The following CNTNAP4 variants were observed in gnomAD, a reference collection of about 807,000 sequenced individuals.
The protein encoded by CNTNAP4 is contactin associated protein family member 4, also known as contactin-associated protein-like 4.
Under a neutral mutation model 148.4 loss-of-function variants are expected in CNTNAP4, and 98 were observed. The observed-to-expected ratio is 0.66, with a 90% CI of 0.56 to 0.78. The LOEUF (loss-of-function observed/expected upper bound fraction) is 0.78, where lower values mean the gene tolerates loss of function less well. Ranked by LOEUF, CNTNAP4 falls within the 30% of genes least tolerant of loss-of-function variation. The pLI is 0.00. For synonymous variants in CNTNAP4, 730 were observed against 565.1 expected, an observed-to-expected ratio of 1.29 and a Z score of -4.14; for missense variants, 1,935 against 1,565.6, an observed-to-expected ratio of 1.24 and a Z score of -3.98.
chr16:76,355,220 C>T, intron 2 of CNTNAP4, 98 bp from the exon 3 acceptor site: 3 of 783,502 alleles, frequency 3.8e-6, no homozygotes, highest in South Asian at 6.5e-5. Context: ...ATTTAAGTTC[C>T]ATAGAGGAAT....
At chr16:76,313,034 C>T (rs1200254771) in intron 1 of CNTNAP4, among the ~76,000 whole-genome samples, 8 of 152,102 alleles carry the variant, frequency 5.3e-5, no homozygotes, top group Admixed American at 4.6e-4. Flanking sequence ...AGGCCAACAA[C>T]CAAAACTTGA....
chr16:76,478,590 A>T (rs910877461), intron 11 of CNTNAP4, among the ~76,000 whole-genome samples: 1 of 152,226 alleles, frequency 6.6e-6, no homozygotes, highest in Non-Finnish European at 1.5e-5. Flanking sequence ...TTCACAGAAT[A>T]AAATGCTTAA....
chr16:76,386,311 G>T (rs1280267524), intron 3 of CNTNAP4, among the ~76,000 whole-genome samples: 1 of 151,706 alleles, frequency 6.6e-6, no homozygotes, highest in East Asian at 1.9e-4. Context: ...AACTAGCCTC[G>T]GGCAAAATAG....
intron 17 of CNTNAP4, among the ~76,000 whole-genome samples, chr16:76,526,497 C>T (rs2083738807): frequency 6.6e-6 from 1 of 152,052 alleles, no homozygotes; most frequent in Non-Finnish European, 1.5e-5. Context: ...AGTGGTCCCT[C>T]TGAGAGATGA....
chr16:76,299,187 A>T (rs549304817), intron 1 of CNTNAP4, among the ~76,000 whole-genome samples: 10 of 152,218 alleles, frequency 6.6e-5, no homozygotes, highest in Non-Finnish European at 1.2e-4. Flanking sequence ...ACAGCAAAAG[A>T]AACTACCATC....
At chr16:76,458,352 T>C (rs2080813620) in intron 8 of CNTNAP4, among the ~76,000 whole-genome samples, 1 of 152,142 alleles carries the variant, frequency 6.6e-6, no homozygotes, top group Non-Finnish European at 1.5e-5. Flanking sequence ...GACTGTAATG[T>C]TGGGGGATGG....
intron 3 of CNTNAP4, among the ~76,000 whole-genome samples, chr16:76,368,691 A>T (rs2014441465): frequency 6.6e-6 from 1 of 152,076 alleles, no homozygotes; most frequent in Non-Finnish European, 1.5e-5. Context: ...GGGCAAGGGG[A>T]GGGATAGCAT....
chr16:76,326,115 A>G (rs1313159420), intron 2 of CNTNAP4, among the ~76,000 whole-genome samples: 1 of 152,168 alleles, frequency 6.6e-6, no homozygotes, highest in African/African-American at 2.4e-5. Flanking sequence ...ATACTCCCTA[A>G]CTCATTCAAG....
At chr16:76,457,671 C>G (rs7187268) in intron 8 of CNTNAP4, among the ~76,000 whole-genome samples, 3 of 151,718 alleles carry the variant, frequency 2.0e-5, no homozygotes, top group African/African-American at 7.3e-5. Context: ...TTTAACTGAT[C>G]TATGATGAGA....
chr16:76,423,039 G>A (rs35813300), intron 3 of CNTNAP4, among the ~76,000 whole-genome samples: 53,260 of 151,968 alleles, frequency 0.35, 10,995 homozygotes, highest in Non-Finnish European at 0.44. Context: ...CTCATTCACC[G>A]TTCCACGATG....
intron 12 of CNTNAP4, among the ~76,000 whole-genome samples, chr16:76,481,446 AG>A (rs2081823507): frequency 1.3e-5 from 2 of 152,208 alleles, no homozygotes; most frequent in African/African-American, 4.8e-5. Context: ...TTGGGAAGCC[AG>A]GGCGGGGGCA....
chr16:76,405,281 T>C lies in CNTNAP4; in HGVS notation c.391-22171T>C, dbSNP rs2144873174. On this transcript the variant is annotated intron_variant, in intron 3 of 23. Coordinates refer to ENST00000611870, the MANE Select transcript of CNTNAP4 (RefSeq NM_033401.5). ...CCATGCGAGTATTGTAATTGTTTTT[T>C]CCCAGTAGCTATTTAGATCTGATCA... Among the ~76,000 whole-genome samples the C allele has an allele frequency of 1.3e-5, 2 of 152,294 alleles. 1 individual carries two copies. Among genetic ancestry groups the C allele is most frequent in the East Asian group, 3.9e-4 (2 of 5,178 alleles).
chr16:76,406,310 G>A (rs1485287924), intron 3 of CNTNAP4, among the ~76,000 whole-genome samples: 1 of 152,096 alleles, frequency 6.6e-6, no homozygotes, highest in Non-Finnish European at 1.5e-5. Context: ...ATGGATAAAT[G>A]TGTGTGTTCT....
At chr16:76,358,848 GTATA>G (rs35234186) in intron 3 of CNTNAP4, among the ~76,000 whole-genome samples, 2 of 151,196 alleles carry the variant, frequency 1.3e-5, no homozygotes, top group African/African-American at 4.9e-5. Flanking sequence ...GTATGTGTGT[GTATA>G]TATATATATG....
intron 3 of CNTNAP4, among the ~76,000 whole-genome samples, chr16:76,370,333 C>G (rs958617064): frequency 6.6e-6 from 1 of 152,032 alleles, no homozygotes; most frequent in Non-Finnish European, 1.5e-5. Flanking sequence ...GTCCTCTGCG[C>G]CAGTGCCCCA....
rs759459690 is a variant in CNTNAP4 at position 76,559,943 on chromosome 16, T to C, written c.*1260T>C. 1.3e-5 allele frequency among the ~76,000 whole-genome samples: 2 copies of C among 152,208 alleles called. No individual in the cohort carries two copies. Among genetic ancestry groups the C allele is most frequent in the Non-Finnish European group, 2.9e-5 (2 of 68,034 alleles). ...GTGAATTTGTCATTCCAGACACTTC[T>C]CGTCTGAAACGATGGGGTGAATTTC... is the stretch of plus-strand genomic sequence containing the variant. On this transcript the variant is annotated 3_prime_UTR_variant, in exon 24 of 24. Coordinates refer to ENST00000611870, the MANE Select transcript of CNTNAP4 (RefSeq NM_033401.5).
chr16:76,549,403 C>A (rs1597137068), intron 21 of CNTNAP4, among the ~76,000 whole-genome samples: 1 of 152,158 alleles, frequency 6.6e-6, no homozygotes, highest in Non-Finnish European at 1.5e-5. Context: ...GATCACCACA[C>A]TGTCTACTTG....
chr16:76,538,351 T>C lies in CNTNAP4; in HGVS notation c.3220+11T>C. 6.4e-7 allele frequency: 1 copy of C among 1,571,144 alleles called. No homozygotes were observed. The highest frequency in any genetic ancestry group is 8.7e-7 in the Non-Finnish European group (1 of 1,146,052). The stretch of plus-strand genomic sequence containing the variant: ...TCATTGCCAAAAATGGTGAGTTCTT[T>C]TTAGATGAGAGAGAGAAAATTAAAT... On this transcript the variant is annotated intron_variant, in intron 19 of 23. Transcript: ENST00000611870.
At chr16:76,398,850 T>C (rs943238463) in intron 3 of CNTNAP4, among the ~76,000 whole-genome samples, 8 of 152,138 alleles carry the variant, frequency 5.3e-5, no homozygotes, top group Non-Finnish European at 1.0e-4. Context: ...ATATATATAC[T>C]TATATATTTA....
Sources: allele counts gnomAD v4.1 joint callset (sites outside exome capture counted in the v4.1 genomes callset), GRCh38; gene constraint gnomAD v4.1.1; transcripts MANE v1.5; gene names NCBI Gene and HGNC (gene_info 2026-07-23, HGNC 2026-07-21).